The following FAM227A variants were observed in gnomAD, a reference collection of about 807,000 sequenced individuals.
FAM227A encodes family with sequence similarity 227 member A.
In FAM227A, 80 loss-of-function variants were observed where a neutral mutation model predicts 74.7. That is an observed-to-expected ratio of 1.07 (90% CI 0.89 to 1.29). The LOEUF (loss-of-function observed/expected upper bound fraction) is 1.29, where lower values mean the gene tolerates loss of function less well. Among genes scored for constraint, FAM227A ranks in the 50% most tolerant of loss-of-function variants. FAM227A has a pLI of 0.00. For synonymous variants in FAM227A, 237 were observed against 241.8 expected, an observed-to-expected ratio of 0.98 and a Z score of 0.19; for missense variants, 654 against 683.4, an observed-to-expected ratio of 0.96 and a Z score of 0.48.
chr22:38,606,099 C>T (rs1602913041), intron 12 of FAM227A, among the ~76,000 whole-genome samples: 1 of 152,302 alleles, frequency 6.6e-6, no homozygotes, highest in African/African-American at 2.4e-5. Context: ...ATCTAACTCA[C>T]ACACCAAGCC....
chr22:38,645,273 C>T (rs1347001907), intron 3 of FAM227A, among the ~76,000 whole-genome samples: 2 of 151,974 alleles, frequency 1.3e-5, no homozygotes, highest in Non-Finnish European at 2.9e-5. Context: ...CACCTGTAGT[C>T]CCAGCTGCTC....
At chr22:38,595,954 A>G (rs372825176) in intron 15 of FAM227A, among the ~76,000 whole-genome samples, 5 of 93,844 alleles carry the variant, frequency 5.3e-5, no homozygotes, top group African/African-American at 1.6e-4. Flanking sequence ...TCCATGTCAT[A>G]AAAAAACAAC....
At chr22:38,594,015 CCT>C (rs372589704) in intron 15 of FAM227A, among the ~76,000 whole-genome samples, 196 of 152,142 alleles carry the variant, frequency 1.3e-3, no homozygotes, top group African/African-American at 4.6e-3. Flanking sequence ...TTAAATAGCC[CCT>C]GTTACTTACC....
chr22:38,607,311 ACGAACCCAAG>A lies in FAM227A; in HGVS notation c.1126+68_1126+77del. ...AAGTAGGTCAGCAAATTCTGTTCATACGAACCCAAGAAACCAGGGTTTTGGAGACAATAAC... is the reference window on the plus strand; with the variant it reads ...AAGTAGGTCAGCAAATTCTGTTCATAAAACCAGGGTTTTGGAGACAATAAC... On this transcript the variant is annotated intron_variant, in intron 12 of 16. Coordinates refer to ENST00000535113, the MANE Select transcript of FAM227A (RefSeq NM_001013647.2). 2.7e-6 allele frequency: 3 copies of A among 1,101,828 alleles called. No homozygotes were observed. The South Asian group carries it at 4.3e-5, about 16-fold the overall frequency. 68.3% of individuals were successfully genotyped at this position (1,101,828 alleles called of 1,614,324 possible).
At chr22:38,630,833 T>C (rs758281845) in intron 6 of FAM227A, among the ~76,000 whole-genome samples, 30 of 152,088 alleles carry the variant, frequency 2.0e-4, no homozygotes, top group Non-Finnish European at 3.7e-4. Context: ...AGAGAGGGCA[T>C]CTCATCTGCG....
At chr22:38,593,695 T>G (rs2090986959) in intron 15 of FAM227A, among the ~76,000 whole-genome samples, 1 of 152,016 alleles carries the variant, frequency 6.6e-6, no homozygotes, top group South Asian at 2.1e-4. Context: ...ACCTTATGTT[T>G]ATTTATTTAT....
At chr22:38,619,026 A>G (rs1035243558) in intron 11 of FAM227A, among the ~76,000 whole-genome samples, 10 of 151,982 alleles carry the variant, frequency 6.6e-5, no homozygotes, top group African/African-American at 2.4e-4. Context: ...CATGCTATCA[A>G]TGTCTCTGGA....
rs370900242 is a variant in FAM227A, at chr22:38,599,688, TC to T, written c.1379+75del. On this transcript the variant is annotated intron_variant, in intron 14 of 16. Transcript: ENST00000535113. Reference sequence around the variant, plus strand: ...CGCTGTGCTAAGGCCTGGGTGCCATTCCCTGACCTTTGCTTCTGGGAAGAGG... The same window carrying T: ...CGCTGTGCTAAGGCCTGGGTGCCATTCCTGACCTTTGCTTCTGGGAAGAGG... The T allele has an allele frequency of 8.8e-4, 1,244 of 1,406,044 alleles. 18 individuals carry two copies. The African/African-American group carries it at 0.017, about 19-fold the overall frequency. The allele number at this position is 1,406,044 out of a possible 1,614,324, so 87.1% of individuals were successfully genotyped here.
At position 38,582,887 on chromosome 22, in the gene FAM227A, C is replaced by T; in HGVS notation, c.*3238G>A. On this transcript the variant is annotated 3_prime_UTR_variant, in exon 17 of 17. Transcript: ENST00000535113. Reference sequence around the variant, plus strand: ...CTTGCTCCTGGTATATTAGGGAAGGCTCCCAAGATGAGGGACGTCTAAGCG... The same window carrying T: ...CTTGCTCCTGGTATATTAGGGAAGGTTCCCAAGATGAGGGACGTCTAAGCG... The T allele has an allele frequency of 6.4e-7, 1 of 1,550,480 alleles. No homozygotes were observed. Among genetic ancestry groups the T allele is most frequent in the Non-Finnish European group, 8.7e-7 (1 of 1,146,986 alleles).
At chr22:38,596,395 TGA>T (rs1226340167) in intron 15 of FAM227A, among the ~76,000 whole-genome samples, 1 of 152,068 alleles carries the variant, frequency 6.6e-6, no homozygotes, top group Non-Finnish European at 1.5e-5. Context: ...AAAGACACAC[TGA>T]GTTAGGCACA....
At chr22:38,637,790 T>C (rs1175969986) in intron 5 of FAM227A, among the ~76,000 whole-genome samples, 2 of 152,112 alleles carry the variant, frequency 1.3e-5, no homozygotes, top group East Asian at 3.8e-4. Flanking sequence ...GGCTAAAAGG[T>C]GTTAAGAAGG....
rs1222054577 is a variant in FAM227A at position 38,580,467 on chromosome 22, A to G, written c.*5658T>C. 1.3e-5 allele frequency: 2 copies of G among 152,214 alleles called. No homozygotes were observed. The highest frequency in any genetic ancestry group is 2.1e-4 in the South Asian group (1 of 4,824). 9.4% of individuals were successfully genotyped at this position (152,214 alleles called of 1,614,324 possible). The stretch of plus-strand genomic sequence containing the variant: ...GTTTACTTATTTGTAAGACTATTTG[A>G]TAGGTGGTCTTATGGTCTAGTATCA... On this transcript the variant is annotated 3_prime_UTR_variant, in exon 17 of 17. Coordinates refer to ENST00000535113, the MANE Select transcript of FAM227A (RefSeq NM_001013647.2).
Position 38,584,349 on chromosome 22 carries a change from TGGGGGACACCA to T in FAM227A, c.*1765_*1775del, listed in dbSNP as rs1337254936. On this transcript the variant is annotated 3_prime_UTR_variant, in exon 17 of 17. Transcript: ENST00000535113. ...AAAATGGAGGTAACAATATCCATCT[TGGGGGACACCA>T]GGAAGGTTAACTGAGATAATGTCTA... 2 of 152,106 alleles carry T rather than the reference TGGGGGACACCA, an allele frequency of 1.3e-5. No individual in the cohort carries two copies. The highest frequency in any genetic ancestry group is 4.8e-5 in the African/African-American group (2 of 41,404). The allele number at this position is 152,106 out of a possible 1,614,324, so 9.4% of individuals were successfully genotyped here. A position where few individuals can be genotyped will look rare whatever the true frequency, so the allele number is the denominator to read the frequency against.
intron 11 of FAM227A, among the ~76,000 whole-genome samples, chr22:38,613,029 A>G (rs1323860630): frequency 7.9e-6 from 1 of 127,096 alleles, no homozygotes; most frequent in Non-Finnish European, 1.6e-5. Context: ...AAATTCTACA[A>G]AGAAATATAT....
At chr22:38,645,685 T>TAC (rs1314529917) in intron 2 of FAM227A, 40 bp from the exon 3 acceptor site, 1 of 1,314,394 alleles carries the variant, frequency 7.6e-7, no homozygotes, top group Non-Finnish European at 1.1e-6. Flanking sequence ...GGGTGATGAT[T>TAC]ACACACACAA....
intron 1 of FAM227A, among the ~76,000 whole-genome samples, chr22:38,650,713 C>T (rs1392391535): frequency 6.6e-6 from 1 of 152,102 alleles, no homozygotes; most frequent in East Asian, 1.9e-4. Flanking sequence ...ATCTCCTCAG[C>T]GCGAGGCTCC....
At position 38,649,427 on chromosome 22, in the gene FAM227A, A is replaced by G. The variant is rs558065381; in HGVS notation, c.142+600T>C. Among the ~76,000 whole-genome samples, 7 of 149,300 alleles carry G rather than the reference A, an allele frequency of 4.7e-5. No homozygotes were observed. The East Asian group carries it at 8.0e-4, about 17-fold the overall frequency. On this transcript the variant is annotated intron_variant, in intron 2 of 16. Transcript: ENST00000535113. ...TAAAAATACAAAAAATTAGCTGGACATGGTGACAGGCGCCTGTAATCCCAG... is the reference window on the plus strand; with the variant it reads ...TAAAAATACAAAAAATTAGCTGGACGTGGTGACAGGCGCCTGTAATCCCAG...
At chr22:38,608,791 TC>T (rs1870395048) in intron 11 of FAM227A, among the ~76,000 whole-genome samples, 1 of 138,956 alleles carries the variant, frequency 7.2e-6, no homozygotes, top group African/African-American at 2.9e-5. Context: ...AGACCCTTGT[TC>T]CTTTTTTTTT....
chr22:38,589,420 G>C (rs1196451201), intron 16 of FAM227A, among the ~76,000 whole-genome samples: 1 of 152,080 alleles, frequency 6.6e-6, no homozygotes, highest in East Asian at 1.9e-4. Flanking sequence ...AAAATTAAAG[G>C]ATCAGTCCAG....
Sources: gnomAD v4.1 joint callset for allele counts (sites outside exome capture counted in the v4.1 genomes callset) on GRCh38, gnomAD v4.1.1 for gene constraint, MANE v1.5 for transcripts, NCBI Gene and HGNC (gene_info 2026-07-23, HGNC 2026-07-21) for gene names.